The following OSBPL8 variants were observed in gnomAD, a reference collection of about 807,000 sequenced individuals.
OSBPL8 encodes the protein oxysterol binding protein like 8, also known as oxysterol-binding protein-related protein 8.
Under a neutral mutation model 125.5 loss-of-function variants are expected in OSBPL8, and 59 were observed. The ratio of observed to expected loss-of-function variants is 0.47; its 90% CI spans 0.38 to 0.58. The LOEUF is 0.58. Ranked by LOEUF, OSBPL8 falls within the 20% of genes least tolerant of loss-of-function variation. The pLI is 0.00. For missense variants in OSBPL8, 758 were observed against 1,047.8 expected, an observed-to-expected ratio of 0.72 and a Z score of 3.82; for synonymous variants, 330 against 338.9, an observed-to-expected ratio of 0.97 and a Z score of 0.29.
intron 1 of OSBPL8, among the ~76,000 whole-genome samples, chr12:76,535,272 A>G (rs1231233388): frequency 6.6e-6 from 1 of 152,164 alleles, no homozygotes; most frequent in Non-Finnish European, 1.5e-5. Flanking sequence ...TAAGAAATCA[A>G]TAAGAAAACA....
intron 4 of OSBPL8, among the ~76,000 whole-genome samples, chr12:76,444,921 T>C (rs564023120): frequency 1.3e-5 from 2 of 152,338 alleles, no homozygotes; most frequent in South Asian, 2.1e-4. Flanking sequence ...AGTTTTTTTA[T>C]AGTTAAAAGC....
intron 4 of OSBPL8, among the ~76,000 whole-genome samples, chr12:76,440,570 G>A (rs998211356): frequency 1.2e-4 from 18 of 151,956 alleles, no homozygotes; most frequent in African/African-American, 4.1e-4. Context: ...AGATAATATG[G>A]ATTTTGACCC....
At chr12:76,445,612 T>A (rs569781429) in intron 4 of OSBPL8, among the ~76,000 whole-genome samples, 1 of 152,254 alleles carries the variant, frequency 6.6e-6, no homozygotes, top group South Asian at 2.1e-4. Flanking sequence ...AATGAGCATA[T>A]GAGATGCTCA....
chr12:76,409,391 A>G (rs1029299051), intron 5 of OSBPL8, among the ~76,000 whole-genome samples: 2 of 152,164 alleles, frequency 1.3e-5, no homozygotes, highest in African/African-American at 2.4e-5. Flanking sequence ...CCTTTGTCCA[A>G]TCATACTTCT....
intron 2 of OSBPL8, among the ~76,000 whole-genome samples, chr12:76,480,167 C>CAAAA (rs57582036): frequency 1.5e-3 from 87 of 56,306 alleles, no homozygotes; most frequent in Non-Finnish European, 1.8e-3. Flanking sequence ...AACTCCATCT[C>CAAAA]AAAAAAAAAA....
At chr12:76,414,151 T>C (rs572720011) in intron 4 of OSBPL8, among the ~76,000 whole-genome samples, 1 of 152,276 alleles carries the variant, frequency 6.6e-6, no homozygotes, top group African/African-American at 2.4e-5. Flanking sequence ...CCTGCCACCA[T>C]TTATCGAAAA....
chr12:76,546,045 C>T (rs1275763016), intron 1 of OSBPL8, among the ~76,000 whole-genome samples: 1 of 152,058 alleles, frequency 6.6e-6, no homozygotes, highest in Non-Finnish European at 1.5e-5. Flanking sequence ...CCACACATGT[C>T]GAGGGCTGAC....
intron 15 of OSBPL8, among the ~76,000 whole-genome samples, chr12:76,381,010 T>C (rs76068390): frequency 1.3e-3 from 193 of 152,326 alleles, no homozygotes; most frequent in African/African-American, 4.6e-3. Context: ...TCTATTAATA[T>C]GGTAAATTAC....
intron 1 of OSBPL8, among the ~76,000 whole-genome samples, chr12:76,557,486 G>A (rs1056282911): frequency 2.0e-5 from 3 of 151,742 alleles, no homozygotes; most frequent in Non-Finnish European, 4.4e-5. Flanking sequence ...ATGGTGGCAC[G>A]CACCTGTAAT....
intron 21 of OSBPL8, among the ~76,000 whole-genome samples, chr12:76,363,835 G>A (rs146355473): frequency 2.6e-4 from 40 of 152,130 alleles, no homozygotes; most frequent in Non-Finnish European, 4.9e-4. Flanking sequence ...CCATCAAAAA[G>A]TGGGCAAAGG....
At chr12:76,363,136 C>T (rs1159670943) in intron 21 of OSBPL8, among the ~76,000 whole-genome samples, 1 of 152,082 alleles carries the variant, frequency 6.6e-6, no homozygotes, top group African/African-American at 2.4e-5. Flanking sequence ...AGTGCTATAC[C>T]CCTCAAGCTA....
At chr12:76,471,882 C>T (rs975322966) in intron 2 of OSBPL8, among the ~76,000 whole-genome samples, 2 of 152,224 alleles carry the variant, frequency 1.3e-5, no homozygotes, top group African/African-American at 4.8e-5. Context: ...CTCACCTTCA[C>T]CAGGCAAATA....
intron 4 of OSBPL8, among the ~76,000 whole-genome samples, chr12:76,450,495 TTATAA>T (rs1303738963): frequency 3.3e-5 from 5 of 151,988 alleles, no homozygotes; most frequent in African/African-American, 9.7e-5. Context: ...TAGTTTTAAT[TTATAA>T]TATAATAAAA....
chr12:76,454,478 C>T (rs1162341383), intron 3 of OSBPL8, among the ~76,000 whole-genome samples: 1 of 151,880 alleles, frequency 6.6e-6, no homozygotes, highest in Non-Finnish European at 1.5e-5. Flanking sequence ...TGCTTGAGGC[C>T]AGGAGTTCAA....
chr12:76,537,139 T>C (rs1318943019), intron 1 of OSBPL8: 1 of 152,404 alleles, frequency 6.6e-6, no homozygotes, highest in African/African-American at 2.4e-5. Context: ...TCTGAAACTA[T>C]GAAAGCCTTT....
At chr12:76,530,828 G>A (rs1348382510) in intron 1 of OSBPL8, among the ~76,000 whole-genome samples, 1 of 152,062 alleles carries the variant, frequency 6.6e-6, no homozygotes, top group Non-Finnish European at 1.5e-5. Flanking sequence ...AAGGCATGAA[G>A]GCTTAATTCA....
Position 76,390,380 on chromosome 12 carries a change from A to G in OSBPL8, c.1167+40T>C, listed in dbSNP as rs777036768. ...CAATTTCATTTAAGAATTCCCAAGA[A>G]TATGAAAATCCAGAACCTCTAAAAA... is the stretch of plus-strand genomic sequence containing the variant. On this transcript the variant is annotated intron_variant, in intron 11 of 23. Transcript: ENST00000261183. The G allele has an allele frequency of 1.0e-5, 14 of 1,377,396 alleles. No homozygotes were observed. The East Asian group carries it at 3.2e-4, about 32-fold the overall frequency. 85.3% of individuals were successfully genotyped at this position (1,377,396 alleles called of 1,614,324 possible).
chr12:76,383,196 G>A (rs999330789), intron 15 of OSBPL8, among the ~76,000 whole-genome samples: 4 of 152,150 alleles, frequency 2.6e-5, no homozygotes, highest in Admixed American at 1.3e-4. Flanking sequence ...ATCCCAGAAA[G>A]TGAGCTATGC....
intron 8 of OSBPL8, 51 bp downstream of exon 8, chr12:76,397,643 T>C (rs769886739): frequency 6.5e-7 from 1 of 1,531,124 alleles, no homozygotes; most frequent in African/African-American, 1.4e-5. Flanking sequence ...CTCAGTTCTA[T>C]TCATGGATTA....
Sources: gnomAD v4.1 joint callset for allele counts (sites outside exome capture counted in the v4.1 genomes callset) on GRCh38, gnomAD v4.1.1 for gene constraint, MANE v1.5 for transcripts, NCBI Gene and HGNC (gene_info 2026-07-23, HGNC 2026-07-21) for gene names.